The following PRKCZ variants were observed in gnomAD, a reference collection of about 807,000 sequenced individuals.
PRKCZ encodes protein kinase C zeta type.
A neutral mutation model predicts 79.5 loss-of-function variants in PRKCZ; 33 were observed. That is an observed-to-expected ratio of 0.41 (90% CI 0.31 to 0.55). The LOEUF (loss-of-function observed/expected upper bound fraction) is 0.55. PRKCZ is among the 20% of genes least tolerant of loss of function. The pLI is 0.19. For missense variants in PRKCZ, 578 were observed against 813.5 expected (o/e 0.71, Z 3.52); for synonymous variants, 342 against 320.9 (o/e 1.07, Z -0.70).
At chr1:2,150,240 C>T (rs1183366136) in intron 8 of PRKCZ, among the ~76,000 whole-genome samples, 2 of 152,144 alleles carry the variant, frequency 1.3e-5, no homozygotes, top group Admixed American at 6.5e-5. Flanking sequence ...TCCTCCACCC[C>T]GACCTCCTTG....
At chr1:2,057,989 T>TCC (rs1660335415) in intron 3 of PRKCZ, among the ~76,000 whole-genome samples, 1 of 152,150 alleles carries the variant, frequency 6.6e-6, no homozygotes, top group South Asian at 2.1e-4. Flanking sequence ...TGCCTCACCC[T>TCC]CCCAAGTAGC....
intron 16 of PRKCZ, among the ~76,000 whole-genome samples, chr1:2,179,160 C>T (rs1284912598): frequency 6.6e-6 from 1 of 152,200 alleles, no homozygotes; most frequent in Non-Finnish European, 1.5e-5. Flanking sequence ...CTCATCTTGT[C>T]GGGGGCTCCC....
At chr1:2,121,058 T>C (rs3107152) in intron 4 of PRKCZ, among the ~76,000 whole-genome samples, 139,810 of 152,270 alleles carry the variant, frequency 0.92, 64,313 homozygotes, top group African/African-American at 0.96. Context: ...GGGTGATCCG[T>C]TTGCCTCAGC....
chr1:2,162,217 C>T (rs532199304), intron 10 of PRKCZ, among the ~76,000 whole-genome samples: 16 of 152,298 alleles, frequency 1.1e-4, no homozygotes, highest in Non-Finnish European at 1.9e-4. Context: ...CTGCAACCTC[C>T]GCCCCCTGGG....
At chr1:2,171,965 G>A in intron 11 of PRKCZ, 90 bp from the exon 12 acceptor site, 1 of 1,469,250 alleles carries the variant, frequency 6.8e-7, no homozygotes, top group Non-Finnish European at 9.1e-7. Context: ...CCCGTGGTGG[G>A]GCAAACGGGA....
intron 7 of PRKCZ, among the ~76,000 whole-genome samples, chr1:2,147,714 T>C (rs1034501713): frequency 1.2e-5 from 1 of 80,708 alleles, no homozygotes; most frequent in Admixed American, 1.3e-4. Context: ...TCCACCCATC[T>C]GTCTGTTGTC....
At chr1:2,091,628 C>T (rs967185939) in intron 4 of PRKCZ, among the ~76,000 whole-genome samples, 1 of 152,194 alleles carries the variant, frequency 6.6e-6, no homozygotes, top group Non-Finnish European at 1.5e-5. Flanking sequence ...GAGCCTCTCA[C>T]GCCTGTGGCC....
chr1:2,076,313 G>A (rs959070549), intron 4 of PRKCZ, among the ~76,000 whole-genome samples: 1 of 152,234 alleles, frequency 6.6e-6, no homozygotes, highest in East Asian at 1.9e-4. Flanking sequence ...GAAGTGGAAC[G>A]TGCGGCCACT....
At chr1:2,058,020 A>G (rs1277748955) in intron 3 of PRKCZ, among the ~76,000 whole-genome samples, 2 of 152,170 alleles carry the variant, frequency 1.3e-5, no homozygotes, top group Non-Finnish European at 2.9e-5. Flanking sequence ...GGCATGTGTC[A>G]TCACGCCTGG....
At position 2,095,885 on chromosome 1, in the gene PRKCZ, CTCCTT is replaced by C. The variant is rs1483272707; in HGVS notation, c.334+36298_334+36302del. Among the ~76,000 whole-genome samples the C allele has an allele frequency of 4.5e-4, 52 of 116,280 alleles. 1 individual carries two copies. Among genetic ancestry groups the C allele is most frequent in the African/African-American group, 1.6e-3 (46 of 28,936 alleles). The allele number at this position is 116,280 out of a possible 152,430, so 76.3% of individuals were successfully genotyped here. A position where few individuals can be genotyped will look rare whatever the true frequency, so the allele number is the denominator to read the frequency against. Reference sequence around the variant, plus strand: ...CTCCCTTCTTTTCCTTTCCCCTCCCCTCCTTTCCCCTCCCCTCCTCTCCCCTCCTC... The same window carrying C: ...CTCCCTTCTTTTCCTTTCCCCTCCCCTCCCCTCCCCTCCTCTCCCCTCCTC... On this transcript the variant is annotated intron_variant, in intron 4 of 17. Coordinates refer to ENST00000378567, the MANE Select transcript of PRKCZ (RefSeq NM_002744.6).
At chr1:2,053,998 G>A (rs1330829579) in intron 1 of PRKCZ, among the ~76,000 whole-genome samples, 10 of 152,198 alleles carry the variant, frequency 6.6e-5, no homozygotes. Flanking sequence ...CCAGGCCCAG[G>A]TGGCCCAGGG....
chr1:2,158,601 C>T (rs963930889), intron 10 of PRKCZ, among the ~76,000 whole-genome samples: 10 of 152,234 alleles, frequency 6.6e-5, no homozygotes, highest in Non-Finnish European at 1.0e-4. Flanking sequence ...CAGCCCGGCC[C>T]CCCACACTTC....
chr1:2,077,615 A>G (rs530661054), intron 4 of PRKCZ, among the ~76,000 whole-genome samples: 58 of 152,290 alleles, frequency 3.8e-4, no homozygotes, highest in Non-Finnish European at 7.9e-4. Flanking sequence ...CATATTTTCT[A>G]TTGTAAGGTG....
chr1:2,061,408 A>AG (rs1660663924), intron 4 of PRKCZ, among the ~76,000 whole-genome samples: 1 of 72,594 alleles, frequency 1.4e-5, no homozygotes, highest in Non-Finnish European at 2.9e-5. Flanking sequence ...GAGGAAGGGG[A>AG]GGTTGGGGGG....
chr1:2,184,618 A>G lies in PRKCZ; in HGVS notation c.1611A>G (p.Pro537=). 6.2e-7 allele frequency: 1 copy of G among 1,614,102 alleles called. No homozygotes were observed. The highest frequency in any genetic ancestry group is 2.2e-5 in the East Asian group (1 of 44,886). ...AGCAGGCGCTCCCTCCATTCCAGCC[A>G]CAGATCACAGACGACTACGGTCTGG... ...EKKQALPPFQ[P]QITDDYGLDN... is the part of the protein sequence containing the mutation. The change falls in exon 17 of 18, where the codon CCA becomes CCG. Residue 537 remains proline, a synonymous_variant. Coordinates refer to ENST00000378567, the MANE Select transcript of PRKCZ (RefSeq NM_002744.6).
At position 2,094,043 on chromosome 1, in the gene PRKCZ, C is replaced by T. The variant is rs1665983687; in HGVS notation, c.334+34452C>T. The stretch of plus-strand genomic sequence containing the variant: ...GCGGCACGTCCACAGCACCTGCCAG[C>T]CCACTTTGGGTGACCCTCCTGTTTG... On this transcript the variant is annotated intron_variant, in intron 4 of 17. Transcript: ENST00000378567. The surrounding 1 kb of genome is among the most constrained non-coding windows in gnomAD (Gnocchi z 7.3). 6.6e-6 allele frequency among the ~76,000 whole-genome samples: 1 copy of T among 152,180 alleles called. No homozygotes were observed. Among genetic ancestry groups the T allele is most frequent in the Non-Finnish European group, 1.5e-5 (1 of 68,030 alleles).
At chr1:2,150,391 C>T (rs1679645259) in intron 8 of PRKCZ, among the ~76,000 whole-genome samples, 1 of 152,194 alleles carries the variant, frequency 6.6e-6, no homozygotes, top group Non-Finnish European at 1.5e-5. Context: ...TTCGCTTTAC[C>T]TTCCTTCCCC....
chr1:2,144,055 G>A, intron 5 of PRKCZ, 155 bp from the exon 6 acceptor site: 1 of 1,120,748 alleles, frequency 8.9e-7, no homozygotes, highest in Admixed American at 2.9e-5. Flanking sequence ...TCAAGCTTGG[G>A]CAAGCCTGGC....
At chr1:2,055,228 C>T (rs569484959) in intron 1 of PRKCZ, among the ~76,000 whole-genome samples, 1 of 143,954 alleles carries the variant, frequency 6.9e-6, no homozygotes, top group South Asian at 2.2e-4. Flanking sequence ...AGGTGTCAGG[C>T]ACTGTGCTTG....
Sources: allele counts gnomAD v4.1 joint callset (sites outside exome capture counted in the v4.1 genomes callset), GRCh38; gene constraint gnomAD v4.1.1; non-coding constraint Gnocchi (gnomAD v3.1); transcripts MANE v1.5; gene names NCBI Gene and HGNC (gene_info 2026-07-23, HGNC 2026-07-21).